PKD2L2: variants seen among roughly 807,000 people sequenced by gnomAD.
The protein encoded by PKD2L2 is polycystin 2 like 2, transient receptor potential cation channel, also known as polycystin-2-like protein 2.
PKD2L2 carries 67 observed loss-of-function variants against 83.9 expected under a neutral mutation model. The ratio of observed to expected loss-of-function variants is 0.80; its 90% CI spans 0.66 to 0.98. PKD2L2 has a LOEUF of 0.98. Among genes scored for constraint, PKD2L2 ranks in the 50% least tolerant of loss-of-function variants. The pLI is 0.00. For synonymous variants in PKD2L2, 223 were observed against 237.8 expected (o/e 0.94, Z 0.57); for missense variants, 632 against 717.2 (o/e 0.88, Z 1.36).
intron 14 of PKD2L2, among the ~76,000 whole-genome samples, chr5:137,937,045 G>C (rs1760494675): frequency 6.6e-6 from 1 of 152,220 alleles, no homozygotes; most frequent in African/African-American, 2.4e-5. Context: ...AGTAGGTAGA[G>C]AAAGACAGTT....
rs1394607296 is a variant in PKD2L2, at chr5:137,936,194, G to A, written c.1785-126G>A. ...CTTTAGAATATTAGATCTATAACTG[G>A]CCACAAGAGGCATGTTTTAGGAGCT... On this transcript the variant is annotated intron_variant, in intron 13 of 14. Coordinates refer to ENST00000508883, the MANE Select transcript of PKD2L2 (RefSeq NM_001300921.2). 3.0e-5 allele frequency: 23 copies of A among 769,470 alleles called. No individual in the cohort carries two copies. In the East Asian group the frequency reaches 6.2e-4, roughly 21 times the overall value. The allele number at this position is 769,470 out of a possible 1,614,324, so 47.7% of individuals were successfully genotyped here. A position where few individuals can be genotyped will look rare whatever the true frequency, so the allele number is the denominator to read the frequency against.
In PKD2L2 at chr5:137,894,562, T is replaced by G; in HGVS notation, c.477T>G (p.Thr159=). The G allele has an allele frequency of 6.2e-7, 1 of 1,613,118 alleles. No homozygotes were observed. The highest frequency in any genetic ancestry group is 8.5e-7 in the Non-Finnish European group (1 of 1,179,190). ...TGAGTGAATGTTATGGCAAATATAC[T>G]TCTGCAAATGAAGACCTCTCTAATT... The part of the protein sequence containing the change: ...SLMSECYGKY[T]SANEDLSNFG... The change falls in exon 4 of 15, where the codon ACT becomes ACG. Residue 159 remains threonine, a synonymous_variant. Transcript: ENST00000508883.
Position 137,935,817 on chromosome 5 carries a change from G to C in PKD2L2, c.1692G>C (p.Gln564His). The C allele has an allele frequency of 1.2e-6, 2 of 1,605,240 alleles. No individual in the cohort carries two copies. Among genetic ancestry groups the C allele is most frequent in the Non-Finnish European group, 1.7e-6 (2 of 1,172,108 alleles). The change falls in exon 13 of 15, where the codon CAG becomes CAC. Residue 564 changes from glutamine to histidine, a missense_variant. Gln to His is a conservative substitution (Grantham distance 24). Transcript: ENST00000508883. ...FDENEIQNAE[Q>H]MKKWKERLEK... ...GACAGGAGATTCAAAACGCAGAGCA[G>C]ATGAAAAAATGGAAAGAGAGGCTTG...
chr5:137,912,914 C>T (rs1757971433), intron 8 of PKD2L2, among the ~76,000 whole-genome samples: 2 of 148,544 alleles, frequency 1.3e-5, no homozygotes, highest in South Asian at 4.3e-4. Context: ...AAGTGATTCT[C>T]CTGGCTCAGC....
At chr5:137,894,757 A>C (rs1461580028) in intron 4 of PKD2L2, 148 bp downstream of exon 4, 2 of 641,656 alleles carry the variant, frequency 3.1e-6, no homozygotes, top group Admixed American at 3.0e-5. Flanking sequence ...TGGAGATAGC[A>C]GTGTTTAGAA....
At position 137,910,250 on chromosome 5, in the gene PKD2L2, AATAATAAT is replaced by A. The variant is rs1286741866; in HGVS notation, c.1328+1306_1328+1313del. 3.9e-3 allele frequency among the ~76,000 whole-genome samples: 535 copies of A among 137,686 alleles called. 3 individuals are homozygous for A. Among genetic ancestry groups the A allele is most frequent in the African/African-American group, 0.013 (513 of 39,022 alleles). 90.3% of individuals were successfully genotyped at this position (137,686 alleles called of 152,430 possible). On this transcript the variant is annotated intron_variant, in intron 8 of 14. Coordinates refer to ENST00000508883, the MANE Select transcript of PKD2L2 (RefSeq NM_001300921.2). ...CTAAAACAATAATAATAATAATAAT[AATAATAAT>A]AATAATAATAATAATAAAACTTGGT...
intron 8 of PKD2L2, among the ~76,000 whole-genome samples, chr5:137,911,685 C>T (rs1757850730): frequency 6.6e-6 from 1 of 152,134 alleles, no homozygotes; most frequent in Admixed American, 6.6e-5. Context: ...TTAAGATCTA[C>T]TTCCTTAGCA....
chr5:137,923,005 CTTTTT>C (rs1271241990), intron 9 of PKD2L2, among the ~76,000 whole-genome samples: 1 of 150,178 alleles, frequency 6.7e-6, no homozygotes, highest in African/African-American at 2.4e-5. Context: ...GTTGTTTTTC[CTTTTT>C]CTTTTCTTTT....
At chr5:137,934,629 C>T (rs549530956) in intron 12 of PKD2L2, among the ~76,000 whole-genome samples, 174 of 152,074 alleles carry the variant, frequency 1.1e-3, no homozygotes, top group African/African-American at 3.8e-3. Flanking sequence ...GCCAACATGG[C>T]GAAACCCGTC....
intron 6 of PKD2L2, among the ~76,000 whole-genome samples, chr5:137,906,943 A>G (rs2150020183): frequency 6.6e-6 from 1 of 152,220 alleles, no homozygotes; most frequent in East Asian, 1.9e-4. Flanking sequence ...TAGTCCCTGA[A>G]AGAAACACCA....
intron 12 of PKD2L2, among the ~76,000 whole-genome samples, chr5:137,935,341 C>T (rs756414538): frequency 7.2e-5 from 11 of 152,132 alleles, no homozygotes; most frequent in African/African-American, 2.4e-5. Context: ...ATTGACTAAC[C>T]AATGCAGTAA....
chr5:137,899,487 T>A (rs1561678427), intron 4 of PKD2L2, 29 bp from the exon 5 acceptor site: 1 of 1,344,806 alleles, frequency 7.4e-7, no homozygotes, highest in Non-Finnish European at 1.1e-6. Context: ...GCTTTGTCAT[T>A]TCACCATTAT....
chr5:137,936,688 C>T (rs576421357), intron 14 of PKD2L2, among the ~76,000 whole-genome samples: 15 of 152,360 alleles, frequency 9.8e-5, no homozygotes, highest in East Asian at 7.7e-4. Context: ...ATCTCCTGAC[C>T]TCGTGATCCA....
At chr5:137,903,655 A>G (rs1438000562) in intron 5 of PKD2L2, among the ~76,000 whole-genome samples, 1 of 152,220 alleles carries the variant, frequency 6.6e-6, no homozygotes, top group Admixed American at 6.5e-5. Flanking sequence ...TAAAACTAAC[A>G]TATTGTATGT....
intron 8 of PKD2L2, among the ~76,000 whole-genome samples, chr5:137,920,742 A>G (rs1383516888): frequency 7.0e-6 from 1 of 142,518 alleles, no homozygotes; most frequent in African/African-American, 2.6e-5. Context: ...GGGCGACAAG[A>G]GCGAAACTCC....
chr5:137,902,026 G>C (rs1177618083), intron 5 of PKD2L2, among the ~76,000 whole-genome samples: 10 of 151,936 alleles, frequency 6.6e-5, no homozygotes, highest in African/African-American at 2.2e-4. Flanking sequence ...GAGGGTGAAG[G>C]GTTTCAGGAA....
chr5:137,911,224 G>T (rs948746682), intron 8 of PKD2L2, among the ~76,000 whole-genome samples: 1 of 152,092 alleles, frequency 6.6e-6, no homozygotes, highest in East Asian at 1.9e-4. Flanking sequence ...TATGTTATTT[G>T]TCTTTTTGTG....
chr5:137,914,684 G>C (rs1758164513), intron 8 of PKD2L2, among the ~76,000 whole-genome samples: 1 of 152,288 alleles, frequency 6.6e-6, no homozygotes, highest in East Asian at 1.9e-4. Flanking sequence ...AGTGGCAAGA[G>C]AGGGCATTCT....
intron 5 of PKD2L2, among the ~76,000 whole-genome samples, chr5:137,900,711 C>T (rs1046336603): frequency 6.6e-6 from 1 of 152,200 alleles, no homozygotes; most frequent in Non-Finnish European, 1.5e-5. Context: ...GCCATTGCTG[C>T]AGCTCTGCCA....
Sources: allele counts gnomAD v4.1 joint callset (sites outside exome capture counted in the v4.1 genomes callset), GRCh38; gene constraint gnomAD v4.1.1; transcripts MANE v1.5; gene names NCBI Gene and HGNC (gene_info 2026-07-23, HGNC 2026-07-21).